The following TAF5 variants were observed in gnomAD, a reference collection of about 807,000 sequenced individuals.
TAF5 encodes transcription initiation factor TFIID subunit 5.
In TAF5, 20 loss-of-function variants were observed where a neutral mutation model predicts 80.9. That is an observed-to-expected ratio of 0.25 (90% confidence interval 0.17 to 0.36). The LOEUF is 0.36. Among genes scored for constraint, TAF5 ranks in the 10% least tolerant of loss-of-function variants. The pLI, the probability that TAF5 is intolerant of heterozygous loss-of-function variation, is 1.00. For synonymous variants in TAF5, 388 were observed against 406.4 expected (o/e 0.95, Z 0.55); for missense variants, 863 against 1,029.4 (o/e 0.84, Z 2.21).
At chr10:103,385,846 A>G (rs1480597376) in intron 8 of TAF5, among the ~76,000 whole-genome samples, 3 of 147,598 alleles carry the variant, frequency 2.0e-5, no homozygotes, top group Admixed American at 1.4e-4. Context: ...AATCATTTGA[A>G]CCTGAGAGGC....
In TAF5 at chr10:103,388,292, G is replaced by A; in HGVS notation, c.*69G>A. 1 of 1,284,324 alleles carries A rather than the reference G, an allele frequency of 7.8e-7. No homozygotes were observed. The highest frequency in any genetic ancestry group is 1.1e-6 in the Non-Finnish European group (1 of 915,128). The allele number at this position is 1,284,324 out of a possible 1,614,324, so 79.6% of individuals were successfully genotyped here. ...AGGGAGACTAAAAGCAAATACCTCAGTGATTAATATTTAAGCTACAGAGAA... is the reference window on the plus strand; with the variant it reads ...AGGGAGACTAAAAGCAAATACCTCAATGATTAATATTTAAGCTACAGAGAA... On this transcript the variant is annotated 3_prime_UTR_variant, in exon 11 of 11. Transcript: ENST00000369839.
At chr10:103,386,887 ACT>A (rs779305719) in intron 8 of TAF5, among the ~76,000 whole-genome samples, 1 of 151,532 alleles carries the variant, frequency 6.6e-6, no homozygotes. Context: ...CTGGTCTCGA[ACT>A]CCTGACCTCG....
rs2093364461 is a variant in TAF5 at position 103,373,565 on chromosome 10, A to G, written c.767A>G (p.His256Arg). The G allele has an allele frequency of 6.2e-7, 1 of 1,613,974 alleles. No individual in the cohort carries two copies. The highest frequency in any genetic ancestry group is 1.1e-5 in the South Asian group (1 of 91,052). ...HMYLELVYNQ[H>R]ENEAKSFFEK... ...TACTTGGAGCTAGTCTACAATCAAC[A>G]TGAGAATGAAGCAAAGTCATTCTTT... The change falls in exon 2 of 11, where the codon CAT (histidine) becomes CGT (arginine). Residue 256 changes from histidine (H) to arginine (R), a missense_variant. Around this residue, in one of 3 missense-constraint regions of TAF5, gnomAD observed 128 missense variants for 232.2 expected, o/e 0.55. Transcript: ENST00000369839.
rs1186298810 is a variant in TAF5 at position 103,378,605 on chromosome 10, T to A, written c.1113+55T>A. The stretch of plus-strand genomic sequence containing the variant: ...TGCAGATTATGAAAAATTGTAGCAT[T>A]TCCATCTACATAAGTTACACATTTT... On this transcript the variant is annotated intron_variant, in intron 3 of 10. Transcript: ENST00000369839. The surrounding 1 kb of genome is among the most constrained non-coding windows in gnomAD (Gnocchi z 4.1). The A allele has an allele frequency of 6.0e-6, 9 of 1,507,436 alleles. No individual in the cohort carries two copies. Among genetic ancestry groups the A allele is most frequent in the Non-Finnish European group, 8.0e-6 (9 of 1,120,540 alleles). 93.4% of individuals were successfully genotyped at this position (1,507,436 alleles called of 1,614,324 possible).
chr10:103,387,980 A>G (rs1218175197), intron 10 of TAF5, 26 bp from the exon 11 acceptor site: 2 of 1,587,704 alleles, frequency 1.3e-6, no homozygotes, highest in Non-Finnish European at 1.7e-6. Context: ...GGATGCAACT[A>G]ATGGTTTCCT....
intron 2 of TAF5, among the ~76,000 whole-genome samples, chr10:103,375,137 AAAAG>A (rs1408408543): frequency 5.3e-5 from 8 of 151,758 alleles, no homozygotes; most frequent in African/African-American, 1.9e-4. Context: ...AAAAAAAAAA[AAAAG>A]AAAATGTGTG....
rs1195970256 is a variant in TAF5, at chr10:103,380,052, A to G, written c.1413+33A>G. On this transcript the variant is annotated intron_variant, in intron 5 of 10. Coordinates refer to ENST00000369839, the MANE Select transcript of TAF5 (RefSeq NM_006951.5). ...AAAAAATTGGGCGATTTCTGCCTGG[A>G]GAGTCATGTAGGATGATGATTTACC... is the stretch of plus-strand genomic sequence containing the variant. The G allele has an allele frequency of 4.4e-6, 7 of 1,601,688 alleles. No individual in the cohort carries two copies. The Admixed American group carries it at 5.2e-5, about 12-fold the overall frequency.
At chr10:103,383,610 C>A in intron 7 of TAF5, among the ~76,000 whole-genome samples, 1 of 135,740 alleles carries the variant, frequency 7.4e-6, no homozygotes, top group Admixed American at 8.2e-5. Context: ...CAGAGTTTCG[C>A]TCTTGTTGCC....
chr10:103,373,739 GA>G, intron 2 of TAF5, 144 bp downstream of exon 2: 2 of 646,712 alleles, frequency 3.1e-6, no homozygotes, highest in Non-Finnish European at 5.1e-6. Context: ...GAGGCTATGA[GA>G]ACTTAAAATG....
At chr10:103,385,195 T>C (rs755124841) in intron 7 of TAF5, 131 bp from the exon 8 acceptor site, 9 of 675,620 alleles carry the variant, frequency 1.3e-5, no homozygotes, top group East Asian at 2.8e-5. Context: ...AAAAGTGAGA[T>C]GCAGCATGTT....
Position 103,373,587 on chromosome 10 carries a change from C to A in TAF5, c.789C>A (p.Phe263Leu). ...YNQHENEAKSFFEKFHGDQEC... is the reference protein window; with the variant it reads ...YNQHENEAKSLFEKFHGDQEC... ...AACATGAGAATGAAGCAAAGTCATTCTTTGAGAAGTATGTAAATTTTTACA... is the reference window on the plus strand; with the variant it reads ...AACATGAGAATGAAGCAAAGTCATTATTTGAGAAGTATGTAAATTTTTACA... The change falls in exon 2 of 11, where the codon TTC (phenylalanine) becomes TTA (leucine). Residue 263 changes from phenylalanine to leucine, a missense_variant. Transcript: ENST00000369839. The A allele has an allele frequency of 2.5e-6, 4 of 1,611,608 alleles. No individual in the cohort carries two copies. Among genetic ancestry groups the A allele is most frequent in the Non-Finnish European group, 3.4e-6 (4 of 1,178,282 alleles).
intron 1 of TAF5, 108 bp downstream of exon 1, chr10:103,368,656 G>A: frequency 7.4e-7 from 1 of 1,354,380 alleles, no homozygotes; most frequent in South Asian, 1.7e-5. Flanking sequence ...AATTTCCTGG[G>A]CCCGCCTCTA....
chr10:103,387,768 T>A (rs2093400717), intron 10 of TAF5, 70 bp downstream of exon 10: 7 of 1,451,506 alleles, frequency 4.8e-6, no homozygotes, highest in Non-Finnish European at 9.4e-7. Context: ...ACTGCAATAC[T>A]AAGTCCTTAT....
Position 103,374,664 on chromosome 10 carries a change from CAG to C in TAF5, c.797+1072_797+1073del, listed in dbSNP as rs1295045668. Among the ~76,000 whole-genome samples, 7 of 152,178 alleles carry C rather than the reference CAG, an allele frequency of 4.6e-5. No individual in the cohort carries two copies. Among genetic ancestry groups the C allele is most frequent in the Non-Finnish European group, 1.0e-4 (7 of 68,040 alleles). The stretch of plus-strand genomic sequence containing the variant: ...TTTTGCTACAGAGTCATTTCTGCTA[CAG>C]AGTCATTAAAGGACCATGTCGTTAT... On this transcript the variant is annotated intron_variant, in intron 2 of 10. Coordinates refer to ENST00000369839, the MANE Select transcript of TAF5 (RefSeq NM_006951.5). This position sits in a 1 kb window ranked among gnomAD's most constrained non-coding sequence, Gnocchi z 4.3.
chr10:103,384,602 G>A (rs892522256), intron 7 of TAF5, among the ~76,000 whole-genome samples: 1 of 152,176 alleles, frequency 6.6e-6, no homozygotes, highest in South Asian at 2.1e-4. Flanking sequence ...CTGCACTCCA[G>A]CCTGGGTGAT....
At position 103,381,745 on chromosome 10, in the gene TAF5, G is replaced by C. The variant is rs2093383413; in HGVS notation, c.1438G>C (p.Asp480His). ...YQGLTAVDVT[D>H]DSSLIAGGFA... is the part of the protein sequence containing the mutation. ...GGGTCTCACTGCAGTGGATGTCACT[G>C]ATGATTCTAGTCTGATTGCTGGAGG... The change falls in exon 6 of 11, where the codon GAT becomes CAT. Residue 480 changes from aspartate (D) to histidine (H), a missense_variant. By Grantham distance (81) the Asp-to-His change is moderately conservative (BLOSUM62 -1). Transcript: ENST00000369839. The C allele has an allele frequency of 1.2e-6, 2 of 1,614,018 alleles. No homozygotes were observed. Among genetic ancestry groups the C allele is most frequent in the African/African-American group, 2.7e-5 (2 of 74,916 alleles).
In TAF5 at chr10:103,368,206, G is replaced by A; in HGVS notation, c.217G>A (p.Ala73Thr). Residue 73 changes from alanine (A) to threonine (T), a missense_variant, in exon 1 of 11, where the codon GCT becomes ACT. Physicochemically the swap from Ala to Thr is moderately conservative, Grantham distance 58. Coordinates refer to ENST00000369839, the MANE Select transcript of TAF5 (RefSeq NM_006951.5). ...TPKPTVAVSA[A>T]APAGAAPVPA... Reference sequence around the variant, plus strand: ...CAAGCCCACGGTGGCTGTCTCCGCCGCTGCCCCGGCGGGGGCGGCCCCGGT... The same window carrying A: ...CAAGCCCACGGTGGCTGTCTCCGCCACTGCCCCGGCGGGGGCGGCCCCGGT... The A allele has an allele frequency of 1.4e-6, 2 of 1,407,216 alleles. No individual in the cohort carries two copies. The highest frequency in any genetic ancestry group is 1.5e-5 in the South Asian group (1 of 66,776). The allele number at this position is 1,407,216 out of a possible 1,614,324, so 87.2% of individuals were successfully genotyped here. A position where few individuals can be genotyped will look rare whatever the true frequency, so the allele number is the denominator to read the frequency against.
In TAF5 at chr10:103,374,191, T is replaced by C. The variant is rs2093365567; in HGVS notation, c.797+596T>C. Among the ~76,000 whole-genome samples the C allele has an allele frequency of 6.6e-6, 1 of 152,204 alleles. No homozygotes were observed. The highest frequency in any genetic ancestry group is 2.4e-5 in the African/African-American group (1 of 41,444). On this transcript the variant is annotated intron_variant, in intron 2 of 10. Coordinates refer to ENST00000369839, the MANE Select transcript of TAF5 (RefSeq NM_006951.5). The surrounding 1 kb of genome is among the most constrained non-coding windows in gnomAD (Gnocchi z 4.3). The stretch of plus-strand genomic sequence containing the variant: ...ATAAAAGTTTATTTTTGCCTTTATC[T>C]TAAGAAAACTAGGAAGCAGTGTTAG...
intron 2 of TAF5, among the ~76,000 whole-genome samples, chr10:103,373,823 C>G (rs1315034581): frequency 2.0e-5 from 3 of 151,978 alleles, no homozygotes; most frequent in African/African-American, 7.3e-5. Context: ...GATTTGAGAT[C>G]TGAAGATTAG....
Sources: allele counts gnomAD v4.1 joint callset (sites outside exome capture counted in the v4.1 genomes callset), GRCh38; gene constraint gnomAD v4.1.1; regional missense constraint gnomAD v4.1.1; non-coding constraint Gnocchi (gnomAD v3.1); transcripts MANE v1.5; gene names NCBI Gene and HGNC (gene_info 2026-07-23, HGNC 2026-07-21).